The following DOCK3 variants were observed in gnomAD, a reference collection of about 807,000 sequenced individuals.
The protein encoded by DOCK3 is dedicator of cytokinesis protein 3.
DOCK3 carries 60 observed loss-of-function variants against 265.6 expected under a neutral mutation model. The ratio of observed to expected loss-of-function variants is 0.23; its 90% CI spans 0.18 to 0.28. The LOEUF (loss-of-function observed/expected upper bound fraction) is 0.28. Ranked by LOEUF, DOCK3 falls within the 10% of genes least tolerant of loss-of-function variation. The pLI is 1.00. For synonymous variants in DOCK3, 881 were observed against 938.0 expected, an observed-to-expected ratio of 0.94 and a Z score of 1.11; for missense variants, 1,981 against 2,594.3, an observed-to-expected ratio of 0.76 and a Z score of 5.14.
chr3:50,810,880 C>T (rs2043712232), intron 2 of DOCK3, among the ~76,000 whole-genome samples: 1 of 152,140 alleles, frequency 6.6e-6, no homozygotes, highest in African/African-American at 2.4e-5. Context: ...AGTTCTATAT[C>T]TGGATGAAAT....
chr3:51,084,299 T>C (rs879943712), intron 7 of DOCK3, among the ~76,000 whole-genome samples: 1 of 152,086 alleles, frequency 6.6e-6, no homozygotes, highest in Non-Finnish European at 1.5e-5. Flanking sequence ...AATCAAACTA[T>C]TAAAAATCAA....
chr3:50,837,363 G>A (rs1416719381), intron 2 of DOCK3, among the ~76,000 whole-genome samples: 1 of 152,192 alleles, frequency 6.6e-6, no homozygotes, highest in African/African-American at 2.4e-5. Flanking sequence ...GCATGACTGG[G>A]GAGGCCTCAG....
chr3:51,225,800 G>A (rs1251826259), intron 15 of DOCK3, 27 bp downstream of exon 15: 1 of 1,600,810 alleles, frequency 6.2e-7, no homozygotes, highest in African/African-American at 1.3e-5. Context: ...AGTCATTTGG[G>A]TTGGAGGATA....
At chr3:50,906,675 A>C (rs2049521808) in intron 4 of DOCK3, among the ~76,000 whole-genome samples, 1 of 151,294 alleles carries the variant, frequency 6.6e-6, no homozygotes, top group Non-Finnish European at 1.5e-5. Context: ...TTCTTGCTAG[A>C]AGTCTATCAA....
At chr3:50,884,924 A>T (rs2048249914) in intron 3 of DOCK3, among the ~76,000 whole-genome samples, 1 of 151,898 alleles carries the variant, frequency 6.6e-6, no homozygotes, top group African/African-American at 2.4e-5. Flanking sequence ...ATTAGGGTTT[A>T]CTCTTTGTGT....
Position 51,139,271 on chromosome 3 carries a change from T to TGTATACTCTA in DOCK3, c.747-7276_747-7267dup, listed in dbSNP as rs547622086. Reference sequence around the variant, plus strand: ...AACTGCAGTGGGGGGAGGGCTAAGATGTATACTCTAGCTGTGTACCCAAGA... The same window carrying TGTATACTCTA: ...AACTGCAGTGGGGGGAGGGCTAAGATGTATACTCTAGTATACTCTAGCTGTGTACCCAAGA... On this transcript the variant is annotated intron_variant, in intron 9 of 52. Transcript: ENST00000266037. Among the ~76,000 whole-genome samples, 300 of 151,432 alleles carry TGTATACTCTA rather than the reference T, an allele frequency of 2.0e-3. 5 individuals carry two copies. The highest frequency in any genetic ancestry group is 0.012 in the East Asian group (63 of 5,168).
intron 32 of DOCK3, among the ~76,000 whole-genome samples, chr3:51,318,849 T>A (rs1265990906): frequency 2.0e-5 from 3 of 152,286 alleles, no homozygotes; most frequent in African/African-American, 7.2e-5. Flanking sequence ...AATTTTTAAA[T>A]TTTATTTTTG....
chr3:50,681,459 T>C (rs1041094858), intron 1 of DOCK3, among the ~76,000 whole-genome samples: 10 of 152,238 alleles, frequency 6.6e-5, no homozygotes, highest in African/African-American at 2.4e-4. Context: ...TTAATTCCAA[T>C]GTTATGCTTT....
intron 21 of DOCK3, 41 bp downstream of exon 21, chr3:51,237,631 G>A (rs751033850): frequency 3.2e-6 from 5 of 1,555,712 alleles, no homozygotes; most frequent in Non-Finnish European, 4.4e-6. Context: ...TCGTGTTTGA[G>A]TAGAAATATA....
At chr3:51,380,610 G>A (rs1261674527) in intron 52 of DOCK3, among the ~76,000 whole-genome samples, 1 of 152,224 alleles carries the variant, frequency 6.6e-6, no homozygotes, top group Non-Finnish European at 1.5e-5. Context: ...AAAAACTCAG[G>A]AGAGTAAAAT....
chr3:50,878,054 G>A (rs2047806128), intron 3 of DOCK3, among the ~76,000 whole-genome samples: 1 of 152,180 alleles, frequency 6.6e-6, no homozygotes, highest in South Asian at 2.1e-4. Context: ...ACCTGCAGCT[G>A]AAGGTCCTGA....
At chr3:50,831,185 TTTTATTTA>T (rs3043409) in intron 2 of DOCK3, among the ~76,000 whole-genome samples, 767 of 72,062 alleles carry the variant, frequency 0.011, 6 homozygotes, top group Non-Finnish European at 0.015. Context: ...CTGCAACCTG[TTTTATTTA>T]TTTATTTATT....
chr3:51,279,320 T>G (rs888724795), intron 26 of DOCK3, among the ~76,000 whole-genome samples: 21 of 152,184 alleles, frequency 1.4e-4, no homozygotes, highest in African/African-American at 4.8e-4. Context: ...CTGTTGTCAC[T>G]TTCTCATGAG....
chr3:51,305,723 T>TGTGTGTGC (rs1360825158), intron 27 of DOCK3, among the ~76,000 whole-genome samples: 43 of 48,802 alleles, frequency 8.8e-4, no homozygotes, highest in African/African-American at 2.4e-3. Flanking sequence ...TGTCTGTGTG[T>TGTGTGTGC]GTGTGTGTGC....
chr3:50,729,775 C>A (rs2038077372), intron 1 of DOCK3, among the ~76,000 whole-genome samples: 1 of 151,816 alleles, frequency 6.6e-6, no homozygotes, highest in Non-Finnish European at 1.5e-5. Context: ...CTCAGCCTCC[C>A]ATATTGCTGG....
At chr3:51,190,205 G>A (rs1291369515) in intron 12 of DOCK3, among the ~76,000 whole-genome samples, 1 of 152,192 alleles carries the variant, frequency 6.6e-6, no homozygotes, top group Non-Finnish European at 1.5e-5. Context: ...TTCCATAAGA[G>A]TAAGAGTCCC....
At chr3:50,719,617 C>T in intron 1 of DOCK3, 1 of 1,541,862 alleles carries the variant, frequency 6.5e-7, no homozygotes, top group Non-Finnish European at 8.9e-7. Flanking sequence ...CATCCAACCA[C>T]TGAGGTCTTG....
chr3:50,736,657 A>G (rs376705927), intron 1 of DOCK3, among the ~76,000 whole-genome samples: 6 of 148,052 alleles, frequency 4.1e-5, no homozygotes, highest in East Asian at 2.0e-4. Flanking sequence ...GCCACTGATG[A>G]TGAGCATTTT....
intron 23 of DOCK3, among the ~76,000 whole-genome samples, chr3:51,263,711 C>G (rs1576586698): frequency 6.6e-6 from 1 of 152,086 alleles, no homozygotes; most frequent in African/African-American, 2.4e-5. Context: ...GCTCAAAATA[C>G]AGGGATGGAG....
Sources: gnomAD v4.1 joint callset for allele counts (sites outside exome capture counted in the v4.1 genomes callset) on GRCh38, gnomAD v4.1.1 for gene constraint, MANE v1.5 for transcripts, NCBI Gene and HGNC (gene_info 2026-07-23, HGNC 2026-07-21) for gene names.